PANK1: variants seen among roughly 807,000 people sequenced by gnomAD.
PANK1 encodes the protein pantothenic acid kinase 1.
Under a neutral mutation model 40.1 loss-of-function variants are expected in PANK1, and 18 were observed. The observed-to-expected ratio is 0.45, with a 90% CI of 0.31 to 0.67. The LOEUF is 0.67. Ranked by LOEUF, PANK1 falls within the 30% of genes least tolerant of loss-of-function variation. PANK1 has a pLI of 0.06. For missense variants in PANK1, 457 were observed against 599.6 expected (o/e 0.76, Z 2.48); for synonymous variants, 242 against 237.7 (o/e 1.02, Z -0.17).
chr10:89,629,277 T>G (rs964328877), intron 1 of PANK1, among the ~76,000 whole-genome samples: 12 of 152,178 alleles, frequency 7.9e-5, no homozygotes, highest in Non-Finnish European at 1.5e-4. Context: ...ATCACTGGCA[T>G]CCCCTGAGGT....
Position 89,644,922 on chromosome 10 carries a change from C to T in PANK1, c.-31G>A. 6.5e-7 allele frequency: 1 copy of T among 1,550,156 alleles called. No homozygotes were observed. ...GGGCTGGCGGGGCTGTGCGCGGGCC[C>T]CGGCTCAGGCGGCCTCGCTGGAGGT... On this transcript the variant is annotated 5_prime_UTR_variant, in exon 1 of 7. Coordinates refer to ENST00000307534, the MANE Select transcript of PANK1 (RefSeq NM_148977.3).
intron 3 of PANK1, among the ~76,000 whole-genome samples, chr10:89,594,958 G>A (rs1564619363): frequency 6.6e-6 from 1 of 152,218 alleles, no homozygotes; most frequent in Non-Finnish European, 1.5e-5. Context: ...AAGAGTAAAT[G>A]AAGAAGAGCT....
chr10:89,638,448 C>A (rs747320774), intron 1 of PANK1, among the ~76,000 whole-genome samples: 1 of 152,222 alleles, frequency 6.6e-6, no homozygotes, highest in Non-Finnish European at 1.5e-5. Context: ...TGGTTGCTTG[C>A]CCACACCCTT....
intron 2 of PANK1, among the ~76,000 whole-genome samples, chr10:89,609,527 C>T (rs1180269661): frequency 1.3e-5 from 2 of 152,196 alleles, no homozygotes; most frequent in Non-Finnish European, 2.9e-5. Context: ...TATTCATCCT[C>T]ATAACTTTGG....
chr10:89,604,563 A>G (rs1287885721), intron 2 of PANK1, among the ~76,000 whole-genome samples: 2 of 151,672 alleles, frequency 1.3e-5, no homozygotes, highest in Non-Finnish European at 2.9e-5. Context: ...CATGGTCACG[A>G]TGTGTCTGTA....
chr10:89,640,122 C>T (rs915312703), intron 1 of PANK1, among the ~76,000 whole-genome samples: 1 of 152,168 alleles, frequency 6.6e-6, no homozygotes, highest in Non-Finnish European at 1.5e-5. Context: ...CCTCTCTTTG[C>T]CCATCTTTAA....
At chr10:89,606,141 A>G (rs1159436327) in intron 2 of PANK1, among the ~76,000 whole-genome samples, 1 of 152,202 alleles carries the variant, frequency 6.6e-6, no homozygotes, top group Admixed American at 6.5e-5. Flanking sequence ...CAGGTAGAGT[A>G]GATGTAGCAT....
chr10:89,603,896 C>A (rs1409553723), intron 2 of PANK1, among the ~76,000 whole-genome samples: 2 of 152,140 alleles, frequency 1.3e-5, no homozygotes, highest in Non-Finnish European at 2.9e-5. Context: ...TATGCTCCTG[C>A]AATATCACAA....
rs1476766434 is a variant in PANK1, at chr10:89,588,677, A to G, written c.1301T>C (p.Leu434Pro). The G allele has an allele frequency of 6.2e-7, 1 of 1,604,716 alleles. No individual in the cohort carries two copies. The highest frequency in any genetic ancestry group is 2.2e-5 in the East Asian group (1 of 44,446). Reference protein sequence around the residue: ...YAMDFWSKGQLKALFLEHEGY... With the variant: ...YAMDFWSKGQPKALFLEHEGY... ...CTCATGTTCCAAAAACAGAGCTTTC[A>G]GTTGTCCTTTGGACCAAAAATCCAT... The change falls in exon 6 of 7, where the codon CTG (leucine) becomes CCG (proline). Residue 434 changes from leucine to proline, a missense_variant. Around this residue, in one of 4 missense-constraint regions of PANK1, gnomAD observed 5 missense variants for 28.0 expected, o/e 0.18. Coordinates refer to ENST00000307534, the MANE Select transcript of PANK1 (RefSeq NM_148977.3).
chr10:89,591,505 G>A (rs1215938579), intron 5 of PANK1, among the ~76,000 whole-genome samples: 1 of 152,194 alleles, frequency 6.6e-6, no homozygotes, highest in Non-Finnish European at 1.5e-5. Context: ...GCAATCAAAG[G>A]TTCTCAAATC....
chr10:89,616,610 G>T (rs899713233), intron 1 of PANK1, among the ~76,000 whole-genome samples: 1 of 151,952 alleles, frequency 6.6e-6, no homozygotes, highest in Non-Finnish European at 1.5e-5. Flanking sequence ...GGCCTGGGCA[G>T]CAAAGCGAAA....
At chr10:89,591,075 T>C (rs1304770259) in intron 5 of PANK1, among the ~76,000 whole-genome samples, 1 of 151,046 alleles carries the variant, frequency 6.6e-6, no homozygotes, top group Non-Finnish European at 1.5e-5. Flanking sequence ...AAGCAAGATA[T>C]AGAATAGTAT....
intron 1 of PANK1, among the ~76,000 whole-genome samples, chr10:89,644,145 CTG>C (rs972079102): frequency 1.3e-5 from 2 of 152,198 alleles, no homozygotes; most frequent in Admixed American, 1.3e-4. Flanking sequence ...GCTGGCTACT[CTG>C]TGATTCAAAG....
intron 2 of PANK1, among the ~76,000 whole-genome samples, chr10:89,608,911 C>CGTTA: frequency 6.6e-6 from 1 of 152,244 alleles, no homozygotes; most frequent in East Asian, 1.9e-4. Flanking sequence ...GCTCCATCTG[C>CGTTA]CTAACACACT....
intron 1 of PANK1, among the ~76,000 whole-genome samples, chr10:89,633,986 C>T (rs1433617318): frequency 6.6e-6 from 1 of 151,420 alleles, no homozygotes; most frequent in African/African-American, 2.4e-5. Context: ...AGAGGAGAAC[C>T]CAAAAAAAGA....
In PANK1 at chr10:89,634,862, C is replaced by T. The variant is rs979934543; in HGVS notation, c.292+9738G>A. Among the ~76,000 whole-genome samples the T allele has an allele frequency of 1.3e-5, 2 of 152,128 alleles. 1 individual carries two copies. Among genetic ancestry groups the T allele is most frequent in the Non-Finnish European group, 2.9e-5 (2 of 68,032 alleles). On this transcript the variant is annotated intron_variant, in intron 1 of 6. Transcript: ENST00000307534. The stretch of plus-strand genomic sequence containing the variant: ...ACAGGGTATGCTAAACTTGGTGAGG[C>T]AATCTATGATAATCAGGTCAAGACT...
intron 1 of PANK1, among the ~76,000 whole-genome samples, chr10:89,635,310 G>A (rs1329577912): frequency 8.5e-5 from 13 of 152,126 alleles, no homozygotes; most frequent in Admixed American, 7.2e-4. Flanking sequence ...GGCCAAGATT[G>A]GGGGGCTGCA....
At chr10:89,608,412 AAGG>A (rs1158509951) in intron 2 of PANK1, among the ~76,000 whole-genome samples, 1 of 152,138 alleles carries the variant, frequency 6.6e-6, no homozygotes, top group Non-Finnish European at 1.5e-5. Flanking sequence ...AGGAAAGAAA[AAGG>A]AGGAACAAAG....
rs531580439 is a variant in PANK1, at chr10:89,595,887, A to AAT, written c.900-1900_900-1899dup. 6.5e-3 allele frequency among the ~76,000 whole-genome samples: 771 copies of AAT among 118,712 alleles called. 25 individuals carry two copies. The highest frequency in any genetic ancestry group is 0.023 in the African/African-American group (716 of 31,634). The allele number at this position is 118,712 out of a possible 152,430, so 77.9% of individuals were successfully genotyped here. ...ATATATATATATAACTTCATTTACTAATATATATATGTACACACACACATA... is the reference window on the plus strand; with the variant it reads ...ATATATATATATAACTTCATTTACTAATATATATATATGTACACACACACATA... On this transcript the variant is annotated intron_variant, in intron 3 of 6. Coordinates refer to ENST00000307534, the MANE Select transcript of PANK1 (RefSeq NM_148977.3).
Sources: allele counts gnomAD v4.1 joint callset (sites outside exome capture counted in the v4.1 genomes callset), GRCh38; gene constraint gnomAD v4.1.1; regional missense constraint gnomAD v4.1.1; transcripts MANE v1.5; gene names NCBI Gene and HGNC (gene_info 2026-07-23, HGNC 2026-07-21).